FBXL13: variants seen among roughly 807,000 people sequenced by gnomAD.
FBXL13 encodes the protein F-box and leucine rich repeat protein 13, also known as F-box and leucine-rich repeat protein 13.
A neutral mutation model predicts 83.6 loss-of-function variants in FBXL13; 67 were observed. That is an observed-to-expected ratio of 0.80 (90% CI 0.66 to 0.98). FBXL13 has a LOEUF of 0.98. FBXL13 is among the 50% of genes least tolerant of loss of function. The probability of loss-of-function intolerance (pLI) is 0.00; values close to 1 mark genes in which losing one functional copy is unlikely to be tolerated. For synonymous variants in FBXL13, 272 were observed against 299.5 expected (o/e 0.91, Z 0.95); for missense variants, 822 against 866.5 (o/e 0.95, Z 0.64).
intron 11 of FBXL13, among the ~76,000 whole-genome samples, 162 bp from the exon 13 acceptor site, chr7:102,884,474 T>A (rs931308780): frequency 2.0e-5 from 3 of 152,202 alleles, no homozygotes; most frequent in Admixed American, 2.0e-4. Flanking sequence ...TGATTTCTTT[T>A]TTTTATTTAA....
intron 17 of FBXL13, among the ~76,000 whole-genome samples, chr7:102,840,374 A>G (rs2129449039): frequency 6.6e-6 from 1 of 152,292 alleles, no homozygotes; most frequent in South Asian, 2.1e-4. Context: ...ACATTTCTCT[A>G]AGTTTATTTC....
chr7:102,968,887 T>C (rs1826279129), intron 6 of FBXL13, among the ~76,000 whole-genome samples: 1 of 152,222 alleles, frequency 6.6e-6, no homozygotes, highest in Admixed American at 6.5e-5. Context: ...GCTGGTACAG[T>C]CATGCTCTGC....
At chr7:102,981,485 T>C (rs1828224964) in intron 6 of FBXL13, among the ~76,000 whole-genome samples, 1 of 152,156 alleles carries the variant, frequency 6.6e-6, no homozygotes, top group South Asian at 2.1e-4. Context: ...GAAGACATAC[T>C]TTCTCTAGAA....
intron 11 of FBXL13, among the ~76,000 whole-genome samples, chr7:102,899,778 C>CT (rs778760259): frequency 6.6e-6 from 1 of 152,130 alleles, no homozygotes; most frequent in Non-Finnish European, 1.5e-5. Context: ...CAGTGTGTAT[C>CT]TAATCCCCAA....
At chr7:102,842,047 T>G (rs1803036438) in intron 17 of FBXL13, among the ~76,000 whole-genome samples, 1 of 152,206 alleles carries the variant, frequency 6.6e-6, no homozygotes, top group African/African-American at 2.4e-5. Context: ...TCATAGACAG[T>G]TTAGTCAATT....
chr7:103,038,796 A>T (rs921652518), intron 2 of FBXL13, among the ~76,000 whole-genome samples: 1 of 152,236 alleles, frequency 6.6e-6, no homozygotes, highest in Non-Finnish European at 1.5e-5. Flanking sequence ...TGACATCCAC[A>T]CCAAAACCCC....
At chr7:103,053,319 A>G (rs775636252) in intron 2 of FBXL13, among the ~76,000 whole-genome samples, 2 of 151,150 alleles carry the variant, frequency 1.3e-5, no homozygotes, top group Non-Finnish European at 2.9e-5. Context: ...TGCCCAACTA[A>G]TTTTTGTACT....
chr7:103,037,860 G>A (rs1303873976), intron 2 of FBXL13, among the ~76,000 whole-genome samples: 1 of 151,650 alleles, frequency 6.6e-6, no homozygotes, highest in East Asian at 1.9e-4. Flanking sequence ...AACAGCTCCG[G>A]TCTGCAGCTC....
chr7:103,009,548 G>C (rs1791365123), intron 6 of FBXL13, among the ~76,000 whole-genome samples: 2 of 152,250 alleles, frequency 1.3e-5, no homozygotes, highest in South Asian at 2.1e-4. Context: ...ACTTTAGACT[G>C]AGGCAGAAAG....
chr7:103,069,390 A>G (rs899890365), intron 1 of FBXL13, among the ~76,000 whole-genome samples: 2 of 152,206 alleles, frequency 1.3e-5, no homozygotes, highest in African/African-American at 4.8e-5. Context: ...CATTTTTGAT[A>G]TTAAAGTTTA....
intron 6 of FBXL13, among the ~76,000 whole-genome samples, chr7:103,020,396 T>A (rs890648763): frequency 1.3e-5 from 2 of 152,168 alleles, no homozygotes; most frequent in Admixed American, 1.3e-4. Flanking sequence ...CTGGAAGCAT[T>A]CCCTTTGAAA....
chr7:103,063,515 A>G (rs1034210899), intron 1 of FBXL13, among the ~76,000 whole-genome samples: 2 of 152,144 alleles, frequency 1.3e-5, no homozygotes, highest in Admixed American at 6.5e-5. Context: ...ACTTAAACTG[A>G]TCTGCCTGAG....
intron 19 of FBXL13, 105 bp from the exon 21 acceptor site, chr7:102,813,636 G>C (rs1470919818): frequency 1.8e-6 from 2 of 1,134,244 alleles, no homozygotes; most frequent in Non-Finnish European, 2.6e-6. Context: ...GTCACAATCT[G>C]AATTCACATG....
At chr7:102,915,370 G>A (rs1367244369) in intron 10 of FBXL13, among the ~76,000 whole-genome samples, 1 of 152,058 alleles carries the variant, frequency 6.6e-6, no homozygotes, top group Non-Finnish European at 1.5e-5. Context: ...TGAAATGATA[G>A]TAACACATTA....
intron 17 of FBXL13, among the ~76,000 whole-genome samples, chr7:102,849,465 C>G (rs1185224479): frequency 6.6e-6 from 1 of 152,136 alleles, no homozygotes; most frequent in Non-Finnish European, 1.5e-5. Context: ...AAAATTTATT[C>G]ATTTTTCTCA....
At chr7:102,933,928 C>T in intron 8 of FBXL13, 1 of 1,607,274 alleles carries the variant, frequency 6.2e-7, no homozygotes, top group Non-Finnish European at 8.5e-7. Context: ...GTGTGGTTAC[C>T]ATTGTAATCT....
intron 8 of FBXL13, among the ~76,000 whole-genome samples, chr7:102,937,023 A>G (rs1368270990): frequency 6.6e-6 from 1 of 152,184 alleles, no homozygotes; most frequent in Non-Finnish European, 1.5e-5. Context: ...ACAACCTTCC[A>G]GAAATGCCCC....
At chr7:102,983,421 C>CTTTTTTT (rs151066223) in intron 6 of FBXL13, among the ~76,000 whole-genome samples, 6 of 145,444 alleles carry the variant, frequency 4.1e-5, no homozygotes, top group Non-Finnish European at 6.0e-5. Context: ...TCTTTTTTCC[C>CTTTTTTT]CTTTTTTTTT....
intron 11 of FBXL13, among the ~76,000 whole-genome samples, chr7:102,895,500 T>G (rs1033827056): frequency 6.6e-6 from 1 of 152,180 alleles, no homozygotes; most frequent in Non-Finnish European, 1.5e-5. Context: ...AACTCCACAT[T>G]CAGAGTTGTT....
Sources: allele counts gnomAD v4.1 joint callset (sites outside exome capture counted in the v4.1 genomes callset), GRCh38; gene constraint gnomAD v4.1.1; transcripts MANE v1.5; gene names NCBI Gene and HGNC (gene_info 2026-07-23, HGNC 2026-07-21).